Variants in PDIA5 observed in about 807,000 individuals in gnomAD.
The protein encoded by PDIA5 is protein disulfide-isomerase A5.
Under a neutral mutation model 77.6 loss-of-function variants are expected in PDIA5, and 58 were observed. That is an observed-to-expected ratio of 0.75 (90% CI 0.61 to 0.93). The LOEUF (loss-of-function observed/expected upper bound fraction) is 0.93, where lower values mean the gene tolerates loss of function less well. Among genes scored for constraint, PDIA5 ranks in the 40% least tolerant of loss-of-function variants. PDIA5 has a pLI of 0.00. For missense variants in PDIA5, 630 were observed against 647.7 expected (o/e 0.97, Z 0.30); for synonymous variants, 250 against 252.1 (o/e 0.99, Z 0.08).
intron 11 of PDIA5, among the ~76,000 whole-genome samples, chr3:123,131,697 G>A (rs560975960): frequency 2.0e-5 from 3 of 151,264 alleles, no homozygotes; most frequent in South Asian, 2.1e-4. Flanking sequence ...GCTATCAAAC[G>A]TGCTTGCGAT....
intron 11 of PDIA5, among the ~76,000 whole-genome samples, chr3:123,131,757 T>C (rs1247150459): frequency 6.6e-6 from 1 of 151,996 alleles, no homozygotes; most frequent in Non-Finnish European, 1.5e-5. Context: ...AGTGTCTTCC[T>C]ACTCCCATGG....
intron 7 of PDIA5, among the ~76,000 whole-genome samples, chr3:123,113,683 G>C (rs1264468712): frequency 2.6e-5 from 4 of 152,168 alleles, no homozygotes; most frequent in African/African-American, 9.7e-5. Context: ...TAATTCAGCT[G>C]ATTCCTGGGA....
chr3:123,098,435 T>C (rs1194391167), intron 3 of PDIA5, among the ~76,000 whole-genome samples: 1 of 152,148 alleles, frequency 6.6e-6, no homozygotes. Flanking sequence ...GTCTCTTGGA[T>C]AGTAATTACT....
intron 8 of PDIA5, among the ~76,000 whole-genome samples, chr3:123,117,374 T>TTATATATATATATATATA (rs370968904): frequency 0.063 from 4,965 of 79,398 alleles, 400 homozygotes; most frequent in Middle Eastern, 0.11. Context: ...TTCTATGATT[T>TTATATATATATATATATA]TATATATATA....
intron 3 of PDIA5, 32 bp downstream of exon 3, chr3:123,092,474 G>C (rs1390803358): frequency 6.5e-7 from 1 of 1,531,568 alleles, no homozygotes; most frequent in Non-Finnish European, 9.0e-7. Flanking sequence ...CATGGTGGCT[G>C]CTGGGCAGAG....
chr3:123,074,821 C>T (rs538465146), intron 1 of PDIA5, among the ~76,000 whole-genome samples: 1 of 152,270 alleles, frequency 6.6e-6, no homozygotes, highest in African/African-American at 2.4e-5. Context: ...CATTTTTCTC[C>T]ATCCAAATTC....
intron 15 of PDIA5, among the ~76,000 whole-genome samples, chr3:123,158,973 T>C (rs1936085825): frequency 6.6e-6 from 1 of 152,228 alleles, no homozygotes; most frequent in Non-Finnish European, 1.5e-5. Context: ...CGCGCGTGGA[T>C]TCACCTTTGC....
intron 2 of PDIA5, among the ~76,000 whole-genome samples, chr3:123,090,282 G>A (rs952314563): frequency 6.6e-6 from 1 of 152,238 alleles, no homozygotes; most frequent in African/African-American, 2.4e-5. Context: ...GAATAGGGGC[G>A]AAATCAAGGG....
rs536773165 is a variant in PDIA5 at position 123,091,998 on chromosome 3, T to C, written c.170-357T>C. Among the ~76,000 whole-genome samples, 5 of 152,208 alleles carry C rather than the reference T, an allele frequency of 3.3e-5. No homozygotes were observed. The South Asian group carries it at 1.0e-3, about 31-fold the overall frequency. ...GTCATTGTTTATGGAATTGTCAAAATGTATCCCAGAAAGACATGAGTCGGA... is the reference window on the plus strand; with the variant it reads ...GTCATTGTTTATGGAATTGTCAAAACGTATCCCAGAAAGACATGAGTCGGA... On this transcript the variant is annotated intron_variant, in intron 2 of 16. Transcript: ENST00000316218.
At chr3:123,070,626 G>A (rs771744147) in intron 1 of PDIA5, among the ~76,000 whole-genome samples, 15 of 152,158 alleles carry the variant, frequency 9.9e-5, no homozygotes, top group Non-Finnish European at 1.5e-4. Flanking sequence ...CCTGGACACA[G>A]GGGCAGGAGG....
intron 5 of PDIA5, among the ~76,000 whole-genome samples, chr3:123,105,260 G>C (rs996907240): frequency 6.6e-6 from 1 of 152,186 alleles, no homozygotes; most frequent in Non-Finnish European, 1.5e-5. Flanking sequence ...GGGCTTCACC[G>C]ACTCCTGAAG....
intron 1 of PDIA5, among the ~76,000 whole-genome samples, chr3:123,082,065 T>A (rs1420629537): frequency 6.6e-6 from 1 of 152,230 alleles, no homozygotes; most frequent in Non-Finnish European, 1.5e-5. Context: ...AGGATCTTCA[T>A]GCTCTTGGCC....
intron 12 of PDIA5, 127 bp from the exon 13 acceptor site, chr3:123,145,972 G>C: frequency 1.2e-6 from 1 of 849,636 alleles, no homozygotes; most frequent in South Asian, 1.7e-5. Context: ...GGAGCCCACT[G>C]GGCTAGCCAC....
At chr3:123,094,849 C>G (rs927474529) in intron 3 of PDIA5, among the ~76,000 whole-genome samples, 1 of 152,164 alleles carries the variant, frequency 6.6e-6, no homozygotes, top group East Asian at 1.9e-4. Flanking sequence ...CCTTCCCTGC[C>G]CACGAAGGGT....
At chr3:123,097,465 AC>A (rs1934472194) in intron 3 of PDIA5, among the ~76,000 whole-genome samples, 1 of 152,144 alleles carries the variant, frequency 6.6e-6, no homozygotes. Context: ...TGAGGCACGT[AC>A]CAAGGGAAAC....
chr3:123,098,737 G>A (rs1257726791), intron 3 of PDIA5, among the ~76,000 whole-genome samples: 1 of 152,196 alleles, frequency 6.6e-6, no homozygotes, highest in African/African-American at 2.4e-5. Flanking sequence ...GGGATGGCTG[G>A]TTCTTGCAGG....
At position 123,139,329 on chromosome 3, in the gene PDIA5, C is replaced by T. The variant is rs144319405; in HGVS notation, c.911-6193C>T. On this transcript the variant is annotated intron_variant, in intron 11 of 16. Transcript: ENST00000316218. Reference sequence around the variant, plus strand: ...CACCGCCAGCTCTATCCATCACCCACGGCTCCCCAAGACAGGAGGGTGTCT... The same window carrying T: ...CACCGCCAGCTCTATCCATCACCCATGGCTCCCCAAGACAGGAGGGTGTCT... 4.9e-4 allele frequency among the ~76,000 whole-genome samples: 74 copies of T among 152,266 alleles called. No individual in the cohort carries two copies. In the East Asian group the frequency reaches 7.5e-3, roughly 16 times the overall value.
chr3:123,094,706 C>T (rs561644240), intron 3 of PDIA5, among the ~76,000 whole-genome samples: 5 of 152,342 alleles, frequency 3.3e-5, no homozygotes, highest in Admixed American at 6.5e-5. Context: ...TGCCGAGGAA[C>T]GAGTAGGTGG....
At chr3:123,077,812 C>CT (rs35172329) in intron 1 of PDIA5, among the ~76,000 whole-genome samples, 2,244 of 141,808 alleles carry the variant, frequency 0.016, 32 homozygotes, top group African/African-American at 0.04. Flanking sequence ...AATTAATGTT[C>CT]TTTTTTTTTT....
Sources: gnomAD v4.1 joint callset for allele counts (sites outside exome capture counted in the v4.1 genomes callset) on GRCh38, gnomAD v4.1.1 for gene constraint, MANE v1.5 for transcripts, NCBI Gene and HGNC (gene_info 2026-07-23, HGNC 2026-07-21) for gene names.